EPB41L4A: variants seen among roughly 807,000 people sequenced by gnomAD.
The protein encoded by EPB41L4A is erythrocyte membrane protein band 4.1 like 4A.
Under a neutral mutation model 108.6 loss-of-function variants are expected in EPB41L4A, and 100 were observed. That is an observed-to-expected ratio of 0.92 (90% CI 0.78 to 1.09). EPB41L4A has a LOEUF of 1.09. Ranked by LOEUF, EPB41L4A falls within the 50% of genes least tolerant of loss-of-function variation. EPB41L4A has a pLI of 0.00. For synonymous variants in EPB41L4A, 319 were observed against 289.0 expected (o/e 1.10, Z -1.05); for missense variants, 1,030 against 842.7 (o/e 1.22, Z -2.75).
chr5:112,387,495 G>C (rs1479486996), intron 1 of EPB41L4A, among the ~76,000 whole-genome samples: 1 of 152,176 alleles, frequency 6.6e-6, no homozygotes, highest in Non-Finnish European at 1.5e-5. Flanking sequence ...CAGGCATGGT[G>C]GCAGGGGCCT....
intron 1 of EPB41L4A, among the ~76,000 whole-genome samples, chr5:112,416,915 A>G (rs747143125): frequency 1.3e-5 from 2 of 152,174 alleles, no homozygotes; most frequent in Non-Finnish European, 2.9e-5. Flanking sequence ...TTTAACACAT[A>G]CACTTTTAAG....
chr5:112,344,447 G>A (rs1757511758), intron 1 of EPB41L4A, among the ~76,000 whole-genome samples: 1 of 152,234 alleles, frequency 6.6e-6, no homozygotes, highest in Non-Finnish European at 1.5e-5. Context: ...CTGGTTTATA[G>A]TGTTTGTTGT....
At chr5:112,406,060 A>G (rs116250419) in intron 1 of EPB41L4A, among the ~76,000 whole-genome samples, 1 of 152,208 alleles carries the variant, frequency 6.6e-6, no homozygotes, top group Non-Finnish European at 1.5e-5. Context: ...TTATCTTCAA[A>G]TAACTGCTGG....
At chr5:112,218,990 C>A (rs564706606) in intron 12 of EPB41L4A, among the ~76,000 whole-genome samples, 2 of 152,286 alleles carry the variant, frequency 1.3e-5, no homozygotes, top group African/African-American at 2.4e-5. Flanking sequence ...AAATACCATA[C>A]CGATTCGTTG....
intron 1 of EPB41L4A, among the ~76,000 whole-genome samples, chr5:112,418,258 T>TGTG (rs1275488990): frequency 6.6e-6 from 1 of 152,238 alleles, no homozygotes; most frequent in Non-Finnish European, 1.5e-5. Flanking sequence ...TCTCATCCAA[T>TGTG]GTAAGGAAGA....
chr5:112,400,456 G>C (rs1366566184), intron 1 of EPB41L4A, among the ~76,000 whole-genome samples: 1 of 152,108 alleles, frequency 6.6e-6, no homozygotes, highest in Non-Finnish European at 1.5e-5. Context: ...GCATCTGCTT[G>C]GCTTCTGGGG....
chr5:112,366,393 A>G (rs1317537893), intron 1 of EPB41L4A, among the ~76,000 whole-genome samples: 1 of 152,156 alleles, frequency 6.6e-6, no homozygotes, highest in Non-Finnish European at 1.5e-5. Context: ...CTATGAGGTT[A>G]ACTATCTACA....
At chr5:112,148,707 G>A (rs867099941) in intron 12 of EPB41L4A, among the ~76,000 whole-genome samples, 3 of 151,980 alleles carry the variant, frequency 2.0e-5, no homozygotes, top group Middle Eastern at 3.2e-3. Context: ...TTTTCACTTA[G>A]CCTTTCTATC....
intron 2 of EPB41L4A, among the ~76,000 whole-genome samples, chr5:112,291,174 T>C (rs1753613975): frequency 6.6e-6 from 1 of 152,194 alleles, no homozygotes; most frequent in African/African-American, 2.4e-5. Context: ...AACAGAAATG[T>C]ACACAGAGCC....
intron 1 of EPB41L4A, among the ~76,000 whole-genome samples, chr5:112,314,567 G>A (rs1040885022): frequency 1.4e-4 from 21 of 145,612 alleles, no homozygotes; most frequent in Non-Finnish European, 3.0e-4. Context: ...CATGATGGCA[G>A]GCGCCTGTGG....
chr5:112,345,641 C>G (rs1757588249), intron 1 of EPB41L4A, among the ~76,000 whole-genome samples: 2 of 151,958 alleles, frequency 1.3e-5, no homozygotes, highest in Admixed American at 6.6e-5. Flanking sequence ...TTCACCATCA[C>G]CACAGAATGT....
intron 2 of EPB41L4A, among the ~76,000 whole-genome samples, chr5:112,295,133 T>C (rs1753909646): frequency 6.6e-6 from 1 of 152,216 alleles, no homozygotes; most frequent in Admixed American, 6.5e-5. Flanking sequence ...TTATTAACAG[T>C]GTCCCTTTTC....
chr5:112,380,906 C>A (rs1760136340), intron 1 of EPB41L4A, among the ~76,000 whole-genome samples: 1 of 152,052 alleles, frequency 6.6e-6, no homozygotes, highest in Non-Finnish European at 1.5e-5. Flanking sequence ...CCATCCCCCA[C>A]CAGACCATTC....
chr5:112,290,174 TC>T (rs56742536), intron 2 of EPB41L4A, among the ~76,000 whole-genome samples: 22,346 of 152,112 alleles, frequency 0.15, 1,806 homozygotes, highest in African/African-American at 0.21. Flanking sequence ...CACAAAGACA[TC>T]ATACAAACTT....
intron 17 of EPB41L4A, among the ~76,000 whole-genome samples, chr5:112,193,283 C>CTT: frequency 6.6e-6 from 1 of 152,140 alleles, no homozygotes; most frequent in East Asian, 1.9e-4. Context: ...AACTTCCTCA[C>CTT]TTTTCTTTCT....
chr5:112,254,666 G>A (rs1048087764), intron 9 of EPB41L4A, among the ~76,000 whole-genome samples: 1 of 152,048 alleles, frequency 6.6e-6, no homozygotes, highest in Non-Finnish European at 1.5e-5. Context: ...CATCTCCAGA[G>A]GGAATAGGCA....
intron 1 of EPB41L4A, among the ~76,000 whole-genome samples, chr5:112,400,984 T>C (rs777194499): frequency 6.6e-6 from 1 of 152,146 alleles, no homozygotes; most frequent in South Asian, 2.1e-4. Flanking sequence ...GCCCTAATGA[T>C]GAAAATAAGA....
chr5:112,411,769 G>A (rs1385466870), intron 1 of EPB41L4A, among the ~76,000 whole-genome samples: 2 of 152,210 alleles, frequency 1.3e-5, no homozygotes, highest in Admixed American at 6.5e-5. Flanking sequence ...TGGCCCAGGT[G>A]AAAGGGCCAA....
chr5:112,161,059 C>G (rs1473531984), downstream of EPB41L4A: 1 of 161,480 alleles, frequency 6.2e-6, no homozygotes, highest in Non-Finnish European at 1.4e-5. Flanking sequence ...GGCCTGGCCT[C>G]AGGCCTGCGT....
Sources: gnomAD v4.1 joint callset for allele counts (sites outside exome capture counted in the v4.1 genomes callset) on GRCh38, gnomAD v4.1.1 for gene constraint, MANE v1.5 for transcripts, NCBI Gene and HGNC (gene_info 2026-07-23, HGNC 2026-07-21) for gene names.